Variants in CUEDC1 observed in about 807,000 individuals in gnomAD.
CUEDC1 encodes CUE domain-containing protein 1.
Under a neutral mutation model 43.7 loss-of-function variants are expected in CUEDC1, and 30 were observed. The ratio of observed to expected loss-of-function variants is 0.69; its 90% CI spans 0.51 to 0.93. The LOEUF (loss-of-function observed/expected upper bound fraction) is 0.93. Ranked by LOEUF, CUEDC1 falls within the 40% of genes least tolerant of loss-of-function variation. The probability of loss-of-function intolerance (pLI) is 0.00; values close to 1 mark genes in which losing one functional copy is unlikely to be tolerated. For missense variants in CUEDC1, 486 were observed against 549.0 expected, an observed-to-expected ratio of 0.89 and a Z score of 1.15; for synonymous variants, 223 against 223.6, an observed-to-expected ratio of 1.00 and a Z score of 0.02.
At chr17:57,879,161 G>C (rs2144947865) in intron 3 of CUEDC1, among the ~76,000 whole-genome samples, 1 of 152,304 alleles carries the variant, frequency 6.6e-6, no homozygotes, top group South Asian at 2.1e-4. Flanking sequence ...CTGATGACTG[G>C]CTGGGAATGC....
intron 1 of CUEDC1, among the ~76,000 whole-genome samples, chr17:57,924,356 G>A (rs922751611): frequency 3.3e-5 from 5 of 152,094 alleles, no homozygotes; most frequent in Non-Finnish European, 5.9e-5. Context: ...TGCCCGCCTC[G>A]GCCTCCCAAA....
chr17:57,874,798 C>A (rs1347391844), intron 3 of CUEDC1, among the ~76,000 whole-genome samples: 1 of 148,300 alleles, frequency 6.7e-6, no homozygotes, highest in Non-Finnish European at 1.5e-5. Flanking sequence ...GGAGCTTTTC[C>A]GGGCTGCCGC....
At chr17:57,873,325 C>G (rs1054666724) in intron 4 of CUEDC1, among the ~76,000 whole-genome samples, 1 of 152,168 alleles carries the variant, frequency 6.6e-6, no homozygotes, top group African/African-American at 2.4e-5. Context: ...CCACCCCATG[C>G]CCGCCTCTCT....
chr17:57,869,028 A>G (rs1313365227), intron 7 of CUEDC1, 94 bp downstream of exon 7: 3 of 1,266,988 alleles, frequency 2.4e-6, no homozygotes, highest in South Asian at 2.5e-5. Flanking sequence ...AGTCAGCTGC[A>G]TTACATGTGC....
intron 1 of CUEDC1, among the ~76,000 whole-genome samples, chr17:57,924,034 C>T (rs568724791): frequency 6.6e-6 from 1 of 152,092 alleles, no homozygotes; most frequent in African/African-American, 2.4e-5. Context: ...GGCTCCTGGG[C>T]TCAATCAATC....
intron 8 of CUEDC1, chr17:57,867,680 G>A: frequency 1.8e-6 from 1 of 564,462 alleles, no homozygotes; most frequent in Non-Finnish European, 3.2e-6. Flanking sequence ...CTGAGCCTCT[G>A]CTATCCTAGG....
intron 1 of CUEDC1, among the ~76,000 whole-genome samples, chr17:57,910,409 T>C (rs181807584): frequency 1.3e-5 from 2 of 152,004 alleles, no homozygotes; most frequent in Admixed American, 1.3e-4. Context: ...CAAATTAACA[T>C]ATATATGTTA....
At chr17:57,917,800 T>C (rs1443675369) in intron 1 of CUEDC1, among the ~76,000 whole-genome samples, 1 of 152,234 alleles carries the variant, frequency 6.6e-6, no homozygotes, top group Non-Finnish European at 1.5e-5. Context: ...GCTGAGAGAA[T>C]GCAGGTGACG....
intron 1 of CUEDC1, among the ~76,000 whole-genome samples, chr17:57,921,772 T>G (rs1029630992): frequency 2.7e-4 from 41 of 152,326 alleles, no homozygotes; most frequent in African/African-American, 9.6e-4. Context: ...GGGTCTGTGG[T>G]TCGGCTCAAT....
chr17:57,873,119 G>A (rs2144929404), intron 4 of CUEDC1, among the ~76,000 whole-genome samples: 1 of 152,292 alleles, frequency 6.6e-6, no homozygotes, highest in East Asian at 1.9e-4. Flanking sequence ...AACCTGAACA[G>A]TCCTGAAAAC....
At chr17:57,911,174 T>G (rs905451783) in intron 1 of CUEDC1, among the ~76,000 whole-genome samples, 2 of 152,212 alleles carry the variant, frequency 1.3e-5, no homozygotes, top group African/African-American at 4.8e-5. Context: ...CCTGATTCCC[T>G]GGGTCTGGGG....
intron 1 of CUEDC1, among the ~76,000 whole-genome samples, chr17:57,925,914 C>T (rs992975262): frequency 2.6e-5 from 4 of 152,208 alleles, no homozygotes; most frequent in African/African-American, 9.6e-5. Context: ...CCTCTGCCAC[C>T]TGTGGTTGGC....
intron 1 of CUEDC1, among the ~76,000 whole-genome samples, chr17:57,943,190 G>A (rs2074932223): frequency 6.6e-6 from 1 of 152,148 alleles, no homozygotes. Context: ...CCGGAAGCTG[G>A]GAGCCCTTCC....
At position 57,954,502 on chromosome 17, in the gene CUEDC1, A is replaced by T. The variant is rs1261174413; in HGVS notation, c.-316+723T>A. 6.6e-6 allele frequency among the ~76,000 whole-genome samples: 1 copy of T among 151,854 alleles called. No individual in the cohort carries two copies. Among genetic ancestry groups the T allele is most frequent in the Non-Finnish European group, 1.5e-5 (1 of 67,974 alleles). On this transcript the variant is annotated intron_variant, in intron 1 of 10. Coordinates refer to ENST00000577830, the MANE Select transcript of CUEDC1 (RefSeq NM_001271875.2). The surrounding 1 kb of genome is among the most constrained non-coding windows in gnomAD (Gnocchi z 4.3). ...GTAAGGCGACCACGCGACCGAGAAA[A>T]GGAAGAGGGAGGAATGAATAAACGC...
Position 57,862,507 on chromosome 17 carries a change from C to T in CUEDC1, c.*782G>A, listed in dbSNP as rs114308801. On this transcript the variant is annotated 3_prime_UTR_variant, in exon 11 of 11. Transcript: ENST00000577830. ...GCTGCCAAATTAAAGACCCTGCCTC[C>T]CCAGAGTCCTCCAGCTCCAGGGTGG... 4.1e-3 allele frequency: 628 copies of T among 152,662 alleles called. 4 individuals are homozygous for T. The highest frequency in any genetic ancestry group is 0.015 in the African/African-American group (615 of 41,582). 9.5% of individuals were successfully genotyped at this position (152,662 alleles called of 1,614,324 possible).
In CUEDC1 at chr17:57,885,225, C is replaced by T; in HGVS notation, c.336+4G>A. The T allele has an allele frequency of 6.4e-7, 1 of 1,559,356 alleles. No homozygotes were observed. The highest frequency in any genetic ancestry group is 1.4e-5 in the African/African-American group (1 of 72,678). The stretch of plus-strand genomic sequence containing the variant: ...GGTTGGAATTACCCGGGCTGCGCCC[C>T]TACCTCCGGGGGGATGCTGTCCTCC... On this transcript the variant is annotated splice_donor_region_variant and intron_variant, in intron 2 of 10. Coordinates refer to ENST00000577830, the MANE Select transcript of CUEDC1 (RefSeq NM_001271875.2).
At chr17:57,867,711 T>C (rs1670172351) in intron 8 of CUEDC1, 3 of 517,464 alleles carry the variant, frequency 5.8e-6, no homozygotes, top group South Asian at 5.3e-5. Flanking sequence ...GAAGCATGAA[T>C]AGGAGTTCTG....
chr17:57,871,783 G>T (rs1483343513), intron 5 of CUEDC1, among the ~76,000 whole-genome samples: 2 of 152,204 alleles, frequency 1.3e-5, no homozygotes, highest in African/African-American at 4.8e-5. Flanking sequence ...AATCAGCCAG[G>T]TGCGGTGGCG....
At chr17:57,883,151 C>T (rs1002247635) in intron 2 of CUEDC1, among the ~76,000 whole-genome samples, 13 of 152,152 alleles carry the variant, frequency 8.5e-5, no homozygotes, top group African/African-American at 2.4e-4. Flanking sequence ...AGTGGTCTCC[C>T]AAGGAGAGAG....
Sources: allele counts gnomAD v4.1 joint callset (sites outside exome capture counted in the v4.1 genomes callset), GRCh38; gene constraint gnomAD v4.1.1; non-coding constraint Gnocchi (gnomAD v3.1); transcripts MANE v1.5; gene names NCBI Gene and HGNC (gene_info 2026-07-23, HGNC 2026-07-21).